The following IL1RAPL2 variants were observed in gnomAD, a reference collection of about 807,000 sequenced individuals.
IL1RAPL2 encodes X-linked interleukin-1 receptor accessory protein-like 2.
A neutral mutation model predicts 44.1 loss-of-function variants in IL1RAPL2; 3 were observed. That is an observed-to-expected ratio of 0.07 (90% CI 0.03 to 0.18). The LOEUF (loss-of-function observed/expected upper bound fraction) is 0.18. IL1RAPL2 is among the 10% of genes least tolerant of loss of function. The pLI is 1.00. For synonymous variants in IL1RAPL2, 181 were observed against 178.8 expected (o/e 1.01, Z -0.10); for missense variants, 391 against 496.4 (o/e 0.79, Z 2.02).
chrX:105,542,727 AT>A (rs2036752487), intron 6 of IL1RAPL2, among the ~76,000 whole-genome samples: 1 of 80,125 alleles, frequency 1.2e-5, no homozygotes, highest in African/African-American at 4.4e-5. Context: ...TTATTTATTT[AT>A]TTAATTTATT....
intron 2 of IL1RAPL2, among the ~76,000 whole-genome samples, chrX:104,814,346 G>T (rs762747209): frequency 8.9e-6 from 1 of 112,181 alleles, no homozygotes; most frequent in South Asian, 3.7e-4. Flanking sequence ...ATAACCATAT[G>T]ATTTGCCTCT....
At chrX:104,598,755 A>G (rs1371730378) in intron 1 of IL1RAPL2, among the ~76,000 whole-genome samples, 1 of 112,153 alleles carries the variant, frequency 8.9e-6, no homozygotes, top group Non-Finnish European at 1.9e-5. Flanking sequence ...GTGGTTACTT[A>G]CGGCTTAAAA....
intron 5 of IL1RAPL2, among the ~76,000 whole-genome samples, chrX:105,383,555 T>G (rs2035453746): frequency 8.9e-6 from 1 of 112,396 alleles, no homozygotes; most frequent in Non-Finnish European, 1.9e-5. Flanking sequence ...TTGAGAAAAG[T>G]GCTGCAATAA....
intron 2 of IL1RAPL2, among the ~76,000 whole-genome samples, chrX:104,908,119 T>A (rs1924088481): frequency 9.0e-6 from 1 of 110,527 alleles, no homozygotes; most frequent in African/African-American, 3.3e-5. Flanking sequence ...GAGACTAGGA[T>A]TGCAACCCCT....
At chrX:105,102,888 G>A (rs1396886556) in intron 2 of IL1RAPL2, among the ~76,000 whole-genome samples, 1 of 111,122 alleles carries the variant, frequency 9.0e-6, no homozygotes, top group Non-Finnish European at 1.9e-5. Flanking sequence ...CTGATGGGTT[G>A]GAATGAGGGG....
At chrX:104,816,881 G>A (rs1031253562) in intron 2 of IL1RAPL2, among the ~76,000 whole-genome samples, 1 of 112,526 alleles carries the variant, frequency 8.9e-6, no homozygotes, top group Non-Finnish European at 1.9e-5. Context: ...ATTGAAGGTT[G>A]TTTCCCTAAG....
At chrX:104,654,873 T>C (rs1364348736) in intron 1 of IL1RAPL2, among the ~76,000 whole-genome samples, 2 of 111,001 alleles carry the variant, frequency 1.8e-5, no homozygotes, top group African/African-American at 6.5e-5. Context: ...TTGTAGTTCT[T>C]GAAGAGATCC....
intron 6 of IL1RAPL2, among the ~76,000 whole-genome samples, chrX:105,590,159 G>T (rs759827515): frequency 1.8e-5 from 2 of 111,339 alleles, no homozygotes; most frequent in African/African-American, 6.5e-5. Flanking sequence ...ATTGTGTTTT[G>T]ATTTTGATCT....
At chrX:105,018,826 C>T (rs952293205) in intron 2 of IL1RAPL2, among the ~76,000 whole-genome samples, 1 of 111,642 alleles carries the variant, frequency 9.0e-6, no homozygotes, top group Non-Finnish European at 1.9e-5. Context: ...ACTCACTTTT[C>T]ATTCCCAGCA....
At chrX:104,933,294 G>T (rs984005599) in intron 2 of IL1RAPL2, among the ~76,000 whole-genome samples, 3 of 110,762 alleles carry the variant, frequency 2.7e-5, no homozygotes, top group Admixed American at 1.9e-4. Flanking sequence ...AAAAGGAATA[G>T]GTCCAAAAAA....
chrX:105,123,461 C>T (rs1316552758), intron 2 of IL1RAPL2, among the ~76,000 whole-genome samples: 2 of 110,428 alleles, frequency 1.8e-5, no homozygotes, highest in Non-Finnish European at 3.8e-5. Flanking sequence ...AGTCATGATA[C>T]GAATATCAGC....
At chrX:105,393,479 C>T in intron 5 of IL1RAPL2, among the ~76,000 whole-genome samples, 1 of 111,535 alleles carries the variant, frequency 9.0e-6, no homozygotes, top group East Asian at 2.8e-4. Flanking sequence ...TATATCTTAG[C>T]AGAATTCAGG....
At chrX:104,602,441 C>G (rs1309204738) in intron 1 of IL1RAPL2, among the ~76,000 whole-genome samples, 2 of 111,422 alleles carry the variant, frequency 1.8e-5, no homozygotes, top group Non-Finnish European at 3.8e-5. Flanking sequence ...TTCTTTTTCT[C>G]CATACCCCAA....
chrX:104,792,655 A>C (rs760736749), intron 2 of IL1RAPL2, among the ~76,000 whole-genome samples: 1 of 111,755 alleles, frequency 8.9e-6, no homozygotes, highest in Non-Finnish European at 1.9e-5. Flanking sequence ...GGATAAGTGT[A>C]GCCATATAAA....
At chrX:105,545,091 A>G (rs1218666946) in intron 6 of IL1RAPL2, among the ~76,000 whole-genome samples, 3 of 111,488 alleles carry the variant, frequency 2.7e-5, no homozygotes, top group Non-Finnish European at 5.7e-5. Context: ...GCTTCATGTA[A>G]TCTTAATCTT....
At chrX:105,302,516 C>T (rs2147675239) in intron 5 of IL1RAPL2, among the ~76,000 whole-genome samples, 1 of 112,028 alleles carries the variant, frequency 8.9e-6, no homozygotes, top group South Asian at 3.7e-4. Context: ...TTTCATGGTG[C>T]ACAGTGTGTT....
At chrX:104,679,239 T>C (rs957325577) in intron 2 of IL1RAPL2, among the ~76,000 whole-genome samples, 5 of 111,548 alleles carry the variant, frequency 4.5e-5, no homozygotes, top group African/African-American at 1.6e-4. Context: ...GCTCACCTAC[T>C]CATCCTGCTG....
At chrX:104,581,270 G>A (rs1479504074) in intron 1 of IL1RAPL2, among the ~76,000 whole-genome samples, 6 of 111,539 alleles carry the variant, frequency 5.4e-5, no homozygotes, top group African/African-American at 2.0e-4. Flanking sequence ...AGAAATGCTG[G>A]GCACATTATG....
At chrX:104,676,562 C>T (rs981119837) in intron 2 of IL1RAPL2, among the ~76,000 whole-genome samples, 3 of 111,669 alleles carry the variant, frequency 2.7e-5, no homozygotes, top group Non-Finnish European at 5.6e-5. Flanking sequence ...TTTGGTGAAT[C>T]TGACAATTAT....
Sources: allele counts gnomAD v4.1 joint callset (sites outside exome capture counted in the v4.1 genomes callset), GRCh38; gene constraint gnomAD v4.1.1; transcripts MANE v1.5; gene names NCBI Gene and HGNC (gene_info 2026-07-23, HGNC 2026-07-21).